LRRTM4: variants seen among roughly 807,000 people sequenced by gnomAD.
LRRTM4 encodes leucine rich repeat transmembrane neuronal 4, also known as leucine-rich repeat transmembrane neuronal protein 4.
In LRRTM4, 25 loss-of-function variants were observed where a neutral mutation model predicts 47.6. That is an observed-to-expected ratio of 0.53 (90% CI 0.38 to 0.73). The LOEUF is 0.73. LRRTM4 is among the 30% of genes least tolerant of loss of function. The probability of loss-of-function intolerance (pLI) is 0.00; values close to 1 mark genes in which losing one functional copy is unlikely to be tolerated. For missense variants in LRRTM4, 638 were observed against 713.4 expected (o/e 0.89, Z 1.20); for synonymous variants, 311 against 269.5 (o/e 1.15, Z -1.51).
At position 76,771,998 on chromosome 2, in the gene LRRTM4, A is replaced by G. The variant is rs140387309; in HGVS notation, c.1552-23082T>C. Reference sequence around the variant, plus strand: ...AGGGAGTAGGTATGACACAAATGCCAAGATTTAAGGGAATTATGTAAGAAT... The same window carrying G: ...AGGGAGTAGGTATGACACAAATGCCGAGATTTAAGGGAATTATGTAAGAAT... On this transcript the variant is annotated intron_variant, in intron 3 of 3. Coordinates refer to ENST00000409884, the MANE Select transcript of LRRTM4 (RefSeq NM_001134745.3). 5.9e-5 allele frequency among the ~76,000 whole-genome samples: 9 copies of G among 152,356 alleles called. No homozygotes were observed. In the East Asian group the frequency reaches 1.7e-3, roughly 29 times the overall value.
chr2:77,146,706 G>A (rs138384250), intron 3 of LRRTM4, among the ~76,000 whole-genome samples: 28 of 152,162 alleles, frequency 1.8e-4, no homozygotes, highest in African/African-American at 5.8e-4. Context: ...CTAACATTTT[G>A]CTATTTCACT....
chr2:77,414,759 T>A (rs1205454754), intron 3 of LRRTM4, among the ~76,000 whole-genome samples: 1 of 152,166 alleles, frequency 6.6e-6, no homozygotes, highest in Non-Finnish European at 1.5e-5. Flanking sequence ...GTTTATGTGA[T>A]CAATGAGCAA....
chr2:77,270,757 A>G (rs1676169857), intron 3 of LRRTM4, among the ~76,000 whole-genome samples: 1 of 152,200 alleles, frequency 6.6e-6, no homozygotes, highest in Admixed American at 6.5e-5. Flanking sequence ...GCCAAGCTAC[A>G]AGTCAAATCC....
chr2:77,297,838 A>G (rs1677015374), intron 3 of LRRTM4, among the ~76,000 whole-genome samples: 1 of 152,218 alleles, frequency 6.6e-6, no homozygotes, highest in African/African-American at 2.4e-5. Flanking sequence ...TCTCCAAAAC[A>G]TCCACCTTTG....
chr2:77,072,035 C>T (rs1345765906), intron 3 of LRRTM4, among the ~76,000 whole-genome samples: 3 of 152,162 alleles, frequency 2.0e-5, no homozygotes, highest in Non-Finnish European at 4.4e-5. Context: ...CTCAAAAATT[C>T]TGACTTGTTT....
At chr2:76,851,366 G>A (rs1474773019) in intron 3 of LRRTM4, among the ~76,000 whole-genome samples, 1 of 152,158 alleles carries the variant, frequency 6.6e-6, no homozygotes, top group Non-Finnish European at 1.5e-5. Context: ...TGTAGCTAAT[G>A]TACTGAAATA....
At chr2:77,128,885 CT>C (rs1486926771) in intron 3 of LRRTM4, among the ~76,000 whole-genome samples, 2 of 152,210 alleles carry the variant, frequency 1.3e-5, no homozygotes, top group South Asian at 4.1e-4. Flanking sequence ...GGTGATCCAC[CT>C]GTCGTGGCCT....
chr2:77,019,253 C>CAAAAAAAAAAAAAAAAAAAAAAA (rs56028060), intron 3 of LRRTM4, among the ~76,000 whole-genome samples: 1 of 80,564 alleles, frequency 1.2e-5, no homozygotes. Context: ...CACTGCTCTA[C>CAAAAAAAAAAAAAAAAAAAAAAA]AAAAAAAAAA....
chr2:77,312,266 C>G (rs1230880808), intron 3 of LRRTM4, among the ~76,000 whole-genome samples: 1 of 145,114 alleles, frequency 6.9e-6, no homozygotes, highest in African/African-American at 2.6e-5. Flanking sequence ...TAATGATACA[C>G]AACTGACTCT....
At chr2:76,833,757 G>C (rs922466952) in intron 3 of LRRTM4, among the ~76,000 whole-genome samples, 2 of 151,598 alleles carry the variant, frequency 1.3e-5, no homozygotes, top group African/African-American at 4.8e-5. Context: ...GTGAAAATGA[G>C]ACAATTTTAA....
chr2:76,977,523 T>C (rs995133860), intron 3 of LRRTM4, among the ~76,000 whole-genome samples: 1 of 151,926 alleles, frequency 6.6e-6, no homozygotes, highest in African/African-American at 2.4e-5. Context: ...CCCACTGCAG[T>C]CATTCACACT....
intron 3 of LRRTM4, among the ~76,000 whole-genome samples, chr2:76,757,173 G>A (rs959336774): frequency 1.3e-5 from 2 of 152,032 alleles, no homozygotes; most frequent in Non-Finnish European, 2.9e-5. Flanking sequence ...CACACTAGAT[G>A]TTGGCTTTTT....
chr2:77,073,767 C>CTA (rs1378519978), intron 3 of LRRTM4, among the ~76,000 whole-genome samples: 42 of 151,782 alleles, frequency 2.8e-4, no homozygotes, highest in Non-Finnish European at 3.5e-4. Flanking sequence ...CTCTCTCTCT[C>CTA]TCTATATATA....
intron 3 of LRRTM4, among the ~76,000 whole-genome samples, chr2:76,765,186 A>G (rs961634257): frequency 6.6e-6 from 1 of 152,202 alleles, no homozygotes; most frequent in Non-Finnish European, 1.5e-5. Flanking sequence ...TAGGTCGTCT[A>G]TTCTATGCAT....
At chr2:77,331,441 C>T (rs1670968414) in intron 3 of LRRTM4, among the ~76,000 whole-genome samples, 1 of 152,128 alleles carries the variant, frequency 6.6e-6, no homozygotes, top group Admixed American at 6.5e-5. Flanking sequence ...AAGAATTGGA[C>T]AGGGAAAGAC....
At chr2:77,229,561 T>C (rs1168171001) in intron 3 of LRRTM4, among the ~76,000 whole-genome samples, 2 of 152,124 alleles carry the variant, frequency 1.3e-5, no homozygotes, top group South Asian at 2.1e-4. Flanking sequence ...GGCATCCTTA[T>C]TGACCTCTTT....
At chr2:77,435,169 G>A (rs1419562198) in intron 3 of LRRTM4, among the ~76,000 whole-genome samples, 1 of 151,950 alleles carries the variant, frequency 6.6e-6, no homozygotes, top group African/African-American at 2.4e-5. Context: ...GGGCAAAAGA[G>A]CCCCTGGTTG....
At chr2:77,092,233 C>T (rs907662287) in intron 3 of LRRTM4, among the ~76,000 whole-genome samples, 3 of 152,092 alleles carry the variant, frequency 2.0e-5, no homozygotes, top group Admixed American at 1.3e-4. Context: ...TCAATCCGGC[C>T]TCCCACATTA....
chr2:76,904,489 T>C (rs11898331), intron 3 of LRRTM4, among the ~76,000 whole-genome samples: 2,180 of 152,338 alleles, frequency 0.014, 69 homozygotes, highest in South Asian at 0.074. Flanking sequence ...AGGGAAAATA[T>C]TTTGTGTTCC....
Sources: allele counts gnomAD v4.1 joint callset (sites outside exome capture counted in the v4.1 genomes callset), GRCh38; gene constraint gnomAD v4.1.1; transcripts MANE v1.5; gene names NCBI Gene and HGNC (gene_info 2026-07-23, HGNC 2026-07-21).